Variants in SUMF1 observed in about 807,000 individuals in gnomAD.
The protein encoded by SUMF1 is sulfatase modifying factor 1, also known as formylglycine-generating enzyme.
In SUMF1, 48 loss-of-function variants were observed where a neutral mutation model predicts 47.6. The ratio of observed to expected loss-of-function variants is 1.01; its 90% confidence interval spans 0.80 to 1.28. The LOEUF (loss-of-function observed/expected upper bound fraction) is 1.28. Among genes scored for constraint, SUMF1 ranks in the 50% most tolerant of loss-of-function variants. SUMF1 has a pLI of 0.00. For synonymous variants in SUMF1, 230 were observed against 192.1 expected (o/e 1.20, Z -1.63); for missense variants, 571 against 485.4 (o/e 1.18, Z -1.66).
chr3:4,272,062 G>A (rs1318535463), intron 8 of SUMF1, among the ~76,000 whole-genome samples: 1 of 152,182 alleles, frequency 6.6e-6, no homozygotes, highest in African/African-American at 2.4e-5. Context: ...GATAACAGAA[G>A]CTGATTTCCT....
At chr3:4,173,132 T>A (rs894384727) in intron 8 of SUMF1, among the ~76,000 whole-genome samples, 4 of 152,194 alleles carry the variant, frequency 2.6e-5, no homozygotes, top group African/African-American at 9.7e-5. Flanking sequence ...TTGCTTATTA[T>A]TGTCAGATTT....
At chr3:4,414,508 G>C (rs1487014755) in intron 6 of SUMF1, 1 of 152,200 alleles carries the variant, frequency 6.6e-6, no homozygotes, top group Non-Finnish European at 1.5e-5. Flanking sequence ...ATTGCCATAA[G>C]ATAGAGATCT....
chr3:4,039,621 A>T (rs1056755094), intron 9 of SUMF1, among the ~76,000 whole-genome samples: 1 of 147,804 alleles, frequency 6.8e-6, no homozygotes, highest in Non-Finnish European at 1.5e-5. Context: ...CCAGTCTATC[A>T]TTGTTGGACA....
chr3:4,274,108 AAAAC>A (rs760051095), intron 8 of SUMF1, among the ~76,000 whole-genome samples: 122 of 152,230 alleles, frequency 8.0e-4, no homozygotes, highest in African/African-American at 2.4e-3. Flanking sequence ...AGTCATACTA[AAAAC>A]AAACAAACAA....
chr3:4,038,682 GT>G (rs1694849497), intron 9 of SUMF1, among the ~76,000 whole-genome samples: 1 of 152,080 alleles, frequency 6.6e-6, no homozygotes, highest in Non-Finnish European at 1.5e-5. Context: ...GTAAGCTCAG[GT>G]GTAGCCCTCA....
chr3:4,146,249 G>A (rs1002389019), intron 8 of SUMF1, among the ~76,000 whole-genome samples: 3 of 152,090 alleles, frequency 2.0e-5, no homozygotes, highest in Non-Finnish European at 2.9e-5. Context: ...GGAAGGCAAT[G>A]ATTAAAACGT....
At chr3:4,241,071 T>C (rs1390197154) in intron 8 of SUMF1, among the ~76,000 whole-genome samples, 2 of 152,128 alleles carry the variant, frequency 1.3e-5, no homozygotes, top group African/African-American at 4.8e-5. Flanking sequence ...TTAGTAGTGG[T>C]TGGTTTATTA....
intron 8 of SUMF1, among the ~76,000 whole-genome samples, chr3:4,265,979 A>G (rs1186721660): frequency 6.6e-6 from 1 of 152,064 alleles, no homozygotes; most frequent in African/African-American, 2.4e-5. Flanking sequence ...CCATTTATTA[A>G]ATAGGGAATC....
At chr3:4,128,430 A>C (rs1177924736) in intron 8 of SUMF1, among the ~76,000 whole-genome samples, 2 of 152,134 alleles carry the variant, frequency 1.3e-5, no homozygotes, top group Non-Finnish European at 2.9e-5. Flanking sequence ...AGTAGTGGCA[A>C]CATCCCCTAA....
At chr3:4,067,525 C>A (rs1448175279) in intron 9 of SUMF1, among the ~76,000 whole-genome samples, 1 of 152,160 alleles carries the variant, frequency 6.6e-6, no homozygotes, top group South Asian at 2.1e-4. Context: ...GCAAGAAAAA[C>A]TGACCCCAAG....
At chr3:4,249,017 C>T (rs1435873427) in intron 8 of SUMF1, among the ~76,000 whole-genome samples, 1 of 152,218 alleles carries the variant, frequency 6.6e-6, no homozygotes, top group Admixed American at 6.5e-5. Context: ...CCTTCTCCTT[C>T]ACTTCTCACT....
intron 8 of SUMF1, among the ~76,000 whole-genome samples, chr3:4,299,841 T>A (rs1697927343): frequency 6.6e-6 from 1 of 152,190 alleles, no homozygotes. Context: ...CAGTATCTGG[T>A]ACATAATAAG....
intron 3 of SUMF1, among the ~76,000 whole-genome samples, chr3:4,431,556 G>A (rs116129544): frequency 2.0e-3 from 306 of 152,218 alleles, no homozygotes; most frequent in African/African-American, 3.8e-3. Context: ...ATTTTTCTCC[G>A]CCCTCCTCAC....
At chr3:4,295,022 T>G (rs564815399) in intron 8 of SUMF1, among the ~76,000 whole-genome samples, 13 of 152,202 alleles carry the variant, frequency 8.5e-5, no homozygotes, top group Non-Finnish European at 1.8e-4. Context: ...GTGGAATTCT[T>G]TTTACGACAA....
chr3:4,113,472 G>A (rs920103364), intron 8 of SUMF1, among the ~76,000 whole-genome samples: 3 of 151,974 alleles, frequency 2.0e-5, no homozygotes, highest in East Asian at 1.9e-4. Context: ...CAGTAGCAGT[G>A]AACCATGATG....
At chr3:4,107,922 G>A (rs1188211138) in intron 8 of SUMF1, among the ~76,000 whole-genome samples, 1 of 151,896 alleles carries the variant, frequency 6.6e-6, no homozygotes, top group Non-Finnish European at 1.5e-5. Context: ...GCTGTTTGGT[G>A]TGGTATTTTC....
chr3:4,218,853 TCTC>T (rs1025555046), intron 8 of SUMF1, among the ~76,000 whole-genome samples: 50 of 152,294 alleles, frequency 3.3e-4, no homozygotes, highest in African/African-American at 1.1e-3. Context: ...AGCTGTTTAT[TCTC>T]CTCATTAGCC....
At chr3:4,296,945 TAGAC>T (rs1405132878) in intron 8 of SUMF1, among the ~76,000 whole-genome samples, 2 of 152,128 alleles carry the variant, frequency 1.3e-5, no homozygotes, top group Non-Finnish European at 2.9e-5. Context: ...AAACCAGAAA[TAGAC>T]AGCTGTCCTC....
chr3:4,343,714 T>C (rs1320513218), intron 8 of SUMF1, among the ~76,000 whole-genome samples: 2 of 152,244 alleles, frequency 1.3e-5, no homozygotes, highest in African/African-American at 4.8e-5. Context: ...TGTAAATTGG[T>C]AAACTAGTAC....
Sources: gnomAD v4.1 joint callset for allele counts (sites outside exome capture counted in the v4.1 genomes callset) on GRCh38, gnomAD v4.1.1 for gene constraint, MANE v1.5 for transcripts, NCBI Gene and HGNC (gene_info 2026-07-23, HGNC 2026-07-21) for gene names.